The following LSP1 variants were observed in gnomAD, a reference collection of about 807,000 sequenced individuals.
LSP1 encodes the protein lymphocyte specific protein 1.
Under a neutral mutation model 49.3 loss-of-function variants are expected in LSP1, and 32 were observed. The ratio of observed to expected loss-of-function variants is 0.65; its 90% CI spans 0.49 to 0.87. LSP1 has a LOEUF of 0.87. LSP1 is among the 40% of genes least tolerant of loss of function. LSP1 has a pLI of 0.00. For synonymous variants in LSP1, 179 were observed against 178.8 expected (o/e 1.00, Z -0.01); for missense variants, 428 against 442.6 (o/e 0.97, Z 0.30).
chr11:1,856,714 G>A (rs906136800), intron 1 of LSP1, among the ~76,000 whole-genome samples: 4 of 152,344 alleles, frequency 2.6e-5, no homozygotes, highest in Non-Finnish European at 4.4e-5. Flanking sequence ...GTCTTCATCT[G>A]AGCAGCAGGA....
intron 1 of LSP1, among the ~76,000 whole-genome samples, chr11:1,855,242 A>T (rs985016866): frequency 1.3e-5 from 2 of 152,152 alleles, no homozygotes; most frequent in African/African-American, 4.8e-5. Flanking sequence ...CTAGGATGGG[A>T]CAGAAGTCCC....
chr11:1,869,163 G>C (rs947935441), intron 1 of LSP1: 19 of 299,206 alleles, frequency 6.4e-5, no homozygotes, highest in Admixed American at 2.2e-4. Context: ...GACCCGGGAG[G>C]CTTGAGGGTC....
chr11:1,875,376 G>C (rs543092519), intron 1 of LSP1, among the ~76,000 whole-genome samples: 1 of 152,188 alleles, frequency 6.6e-6, no homozygotes. Context: ...GGGACCCAGC[G>C]CGTGCAGAGA....
At chr11:1,854,718 G>T (rs1412336425) in intron 1 of LSP1, among the ~76,000 whole-genome samples, 1 of 152,152 alleles carries the variant, frequency 6.6e-6, no homozygotes, top group Non-Finnish European at 1.5e-5. Flanking sequence ...AGGGAGACAG[G>T]CTTCTGGGTG....
intron 1 of LSP1, among the ~76,000 whole-genome samples, chr11:1,860,731 G>A (rs559407831): frequency 6.6e-6 from 1 of 152,182 alleles, no homozygotes. Flanking sequence ...ACAGCTAAAT[G>A]AGCAAATGTA....
intron 3 of LSP1, among the ~76,000 whole-genome samples, chr11:1,882,516 C>G (rs1282117462): frequency 1.3e-5 from 2 of 152,162 alleles, no homozygotes; most frequent in Non-Finnish European, 2.9e-5. Flanking sequence ...GGGCCTCAGT[C>G]TCCCCCCTAC....
At chr11:1,879,101 T>G (rs1048480473) in intron 1 of LSP1, among the ~76,000 whole-genome samples, 2 of 152,088 alleles carry the variant, frequency 1.3e-5, no homozygotes, top group Non-Finnish European at 2.9e-5. Flanking sequence ...TCCCACCACC[T>G]TGGGAGGCTG....
At chr11:1,881,991 G>A (rs1251853522) in intron 3 of LSP1, among the ~76,000 whole-genome samples, 2 of 152,192 alleles carry the variant, frequency 1.3e-5, no homozygotes, top group Non-Finnish European at 2.9e-5. Context: ...TTCCGTAATG[G>A]AGGCTGAGAG....
chr11:1,859,811 T>C (rs1847580462), intron 1 of LSP1, among the ~76,000 whole-genome samples: 1 of 151,178 alleles, frequency 6.6e-6, no homozygotes, highest in Non-Finnish European at 1.5e-5. Flanking sequence ...AGGGCCACAC[T>C]GAACAGATGC....
At chr11:1,890,270 G>A in intron 10 of LSP1, 2 of 713,990 alleles carry the variant, frequency 2.8e-6, no homozygotes, top group South Asian at 3.0e-5. Context: ...CCACCATGCG[G>A]GGAGCCTCGG....
rs1408961007 is a variant in LSP1 at position 1,871,207 on chromosome 11, A to AG, written c.54-8874dup. ...TATGCACAGCACGCAGAACAGGAGG[A>AG]GGGGGGAAGAAAGAGCAGGCACGGG... On this transcript the variant is annotated intron_variant, in intron 1 of 10. Coordinates refer to ENST00000311604, the MANE Select transcript of LSP1 (RefSeq NM_002339.3). The AG allele has an allele frequency of 5.1e-6, 5 of 986,020 alleles. No homozygotes were observed. The African/African-American group carries it at 7.0e-5, about 14-fold the overall frequency. The allele number at this position is 986,020 out of a possible 1,614,324, so 61.1% of individuals were successfully genotyped here.
chr11:1,861,809 AGATGGATGGGTGAATGGATG>A (rs1847643387), intron 1 of LSP1, among the ~76,000 whole-genome samples: 1 of 89,920 alleles, frequency 1.1e-5, no homozygotes, highest in African/African-American at 4.4e-5. Context: ...ATGGATGAAT[AGATGGATGGGTGAATGGATG>A]GATGGATGGA....
Position 1,884,621 on chromosome 11 carries a change from A to T in LSP1, c.717+40A>T, listed in dbSNP as rs765292897. On this transcript the variant is annotated intron_variant, in intron 7 of 10. Coordinates refer to ENST00000311604, the MANE Select transcript of LSP1 (RefSeq NM_002339.3). The surrounding 1 kb of genome is among the most constrained non-coding windows in gnomAD (Gnocchi z 4.1). ...CCCTCTGCTGTCAGGTCCCTCCTGC[A>T]TCCTGGCACCATTCCTTCATCCAAC... The T allele has an allele frequency of 5.8e-6, 9 of 1,552,854 alleles. No homozygotes were observed. The Admixed American group carries it at 1.2e-4, about 20-fold the overall frequency.
intron 7 of LSP1, among the ~76,000 whole-genome samples, chr11:1,886,273 A>G (rs1848745403): frequency 6.6e-6 from 1 of 152,016 alleles, no homozygotes; most frequent in Admixed American, 6.5e-5. Flanking sequence ...ATGCCCCTCC[A>G]TCTAACAAAC....
chr11:1,876,305 C>G (rs1848307171), intron 1 of LSP1: 1 of 224,646 alleles, frequency 4.5e-6, no homozygotes, highest in African/African-American at 2.3e-5. Flanking sequence ...CATGAGGGGA[C>G]CAGAGACCTC....
rs1206525553 is a variant in LSP1, at chr11:1,884,174, T to A, written c.592-106T>A. 8.4e-6 allele frequency: 12 copies of A among 1,428,450 alleles called. No individual in the cohort carries two copies. Among genetic ancestry groups the A allele is most frequent in the Non-Finnish European group, 1.1e-5 (11 of 1,012,744 alleles). 88.5% of individuals were successfully genotyped at this position (1,428,450 alleles called of 1,614,324 possible). A position where few individuals can be genotyped will look rare whatever the true frequency, so the allele number is the denominator to read the frequency against. Reference sequence around the variant, plus strand: ...TTGCCCGGTGCTCAGCGAACCCCCATGATATAAGGGTTGGGGGTTGGATTA... The same window carrying A: ...TTGCCCGGTGCTCAGCGAACCCCCAAGATATAAGGGTTGGGGGTTGGATTA... On this transcript the variant is annotated intron_variant, in intron 5 of 10. Transcript: ENST00000311604. The surrounding 1 kb of genome is among the most constrained non-coding windows in gnomAD (Gnocchi z 4.1).
At chr11:1,889,142 A>T (rs1848876324) in intron 10 of LSP1, 1 of 644,740 alleles carries the variant, frequency 1.6e-6, no homozygotes, top group Non-Finnish European at 2.9e-6. Flanking sequence ...CATTCTGGCC[A>T]CTTCACTGGA....
At position 1,884,117 on chromosome 11, in the gene LSP1, C is replaced by A. The variant is rs1848658752; in HGVS notation, c.591+93C>A. On this transcript the variant is annotated intron_variant, in intron 5 of 10. Transcript: ENST00000311604. This position sits in a 1 kb window ranked among gnomAD's most constrained non-coding sequence, Gnocchi z 4.1. Reference sequence around the variant, plus strand: ...ACATGCCAGCCACAGGAAGACCAGGCCCAGGCCTGGCTTTTGTCTGCTATC... The same window carrying A: ...ACATGCCAGCCACAGGAAGACCAGGACCAGGCCTGGCTTTTGTCTGCTATC... The A allele has an allele frequency of 1.4e-6, 2 of 1,466,498 alleles. No homozygotes were observed. The highest frequency in any genetic ancestry group is 1.9e-6 in the Non-Finnish European group (2 of 1,055,886). The allele number at this position is 1,466,498 out of a possible 1,614,324, so 90.8% of individuals were successfully genotyped here.
intron 10 of LSP1, chr11:1,890,268 C>T (rs755638539): frequency 8.9e-5 from 63 of 711,544 alleles, no homozygotes; most frequent in East Asian, 5.7e-4. Context: ...AGCCACCATG[C>T]GGGGAGCCTC....
Sources: gnomAD v4.1 joint callset for allele counts (sites outside exome capture counted in the v4.1 genomes callset) on GRCh38, gnomAD v4.1.1 for gene constraint, Gnocchi (gnomAD v3.1) non-coding constraint, MANE v1.5 for transcripts, NCBI Gene and HGNC (gene_info 2026-07-23, HGNC 2026-07-21) for gene names.